CACNA2D3: variants seen among roughly 807,000 people sequenced by gnomAD.
CACNA2D3 encodes voltage-dependent calcium channel subunit alpha-2/delta-3.
Under a neutral mutation model 160.6 loss-of-function variants are expected in CACNA2D3, and 60 were observed. The ratio of observed to expected loss-of-function variants is 0.37; its 90% confidence interval spans 0.30 to 0.46. CACNA2D3 has a LOEUF of 0.46. CACNA2D3 is among the 20% of genes least tolerant of loss of function. CACNA2D3 has a pLI of 1.00. For synonymous variants in CACNA2D3, 558 were observed against 492.9 expected, an observed-to-expected ratio of 1.13 and a Z score of -1.75; for missense variants, 1,205 against 1,365.0, an observed-to-expected ratio of 0.88 and a Z score of 1.85.
chr3:54,724,479 C>T (rs1383747454), intron 11 of CACNA2D3, among the ~76,000 whole-genome samples: 3 of 152,196 alleles, frequency 2.0e-5, no homozygotes, highest in Admixed American at 1.3e-4. Context: ...TTTTCAGCGC[C>T]TCACTGCACT....
chr3:54,173,219 T>A (rs1220189177), intron 2 of CACNA2D3, among the ~76,000 whole-genome samples: 1 of 152,232 alleles, frequency 6.6e-6, no homozygotes, highest in Admixed American at 6.5e-5. Flanking sequence ...TCTGACTTAT[T>A]TGATCTTGGA....
At chr3:54,766,125 C>T (rs923229478) in intron 13 of CACNA2D3, among the ~76,000 whole-genome samples, 4 of 152,106 alleles carry the variant, frequency 2.6e-5, no homozygotes, top group African/African-American at 9.6e-5. Context: ...TTGACTACAA[C>T]TTATTTATCA....
At chr3:54,737,346 G>GGA (rs1277798070) in intron 11 of CACNA2D3, among the ~76,000 whole-genome samples, 3 of 152,066 alleles carry the variant, frequency 2.0e-5, no homozygotes. Context: ...AAGGAGAGGA[G>GGA]GAGGGGTCTT....
intron 2 of CACNA2D3, among the ~76,000 whole-genome samples, chr3:54,125,914 C>G (rs1699582012): frequency 6.6e-6 from 1 of 152,080 alleles, no homozygotes; most frequent in Non-Finnish European, 1.5e-5. Flanking sequence ...CTCTGTGCAC[C>G]CTGCCATCAT....
intron 4 of CACNA2D3, among the ~76,000 whole-genome samples, chr3:54,400,874 A>G (rs773726455): frequency 2.0e-5 from 3 of 152,206 alleles, no homozygotes; most frequent in South Asian, 2.1e-4. Flanking sequence ...AAGTAACACA[A>G]TAATTCTCTA....
At chr3:54,674,758 C>T (rs1700211387) in intron 11 of CACNA2D3, among the ~76,000 whole-genome samples, 1 of 152,112 alleles carries the variant, frequency 6.6e-6, no homozygotes, top group South Asian at 2.1e-4. Context: ...TTTGAGGTCC[C>T]AACATATGGG....
intron 4 of CACNA2D3, among the ~76,000 whole-genome samples, chr3:54,445,432 CT>C (rs1208497817): frequency 6.6e-6 from 1 of 152,126 alleles, no homozygotes; most frequent in Non-Finnish European, 1.5e-5. Flanking sequence ...CATTTCTGAG[CT>C]GTATTAATTC....
chr3:54,325,619 T>C (rs770627779), intron 3 of CACNA2D3, among the ~76,000 whole-genome samples: 3 of 152,200 alleles, frequency 2.0e-5, no homozygotes, highest in Non-Finnish European at 4.4e-5. Flanking sequence ...TTAACAGGTT[T>C]CAGAGCGGGA....
intron 11 of CACNA2D3, among the ~76,000 whole-genome samples, chr3:54,654,842 G>C (rs1699846710): frequency 6.6e-6 from 1 of 152,218 alleles, no homozygotes; most frequent in Non-Finnish European, 1.5e-5. Context: ...AAGAAACCCT[G>C]CTAGGATGAA....
At chr3:54,812,760 G>A (rs1295407955) in intron 13 of CACNA2D3, among the ~76,000 whole-genome samples, 30 of 152,190 alleles carry the variant, frequency 2.0e-4, no homozygotes, top group Non-Finnish European at 7.3e-5. Context: ...TCCACACAGA[G>A]CCTTGTCCTT....
rs557553278 is a variant in CACNA2D3, at chr3:54,580,321, C to A, written c.889-1482C>A. On this transcript the variant is annotated intron_variant, in intron 8 of 37. Coordinates refer to ENST00000474759, the MANE Select transcript of CACNA2D3 (RefSeq NM_018398.3). ...TTAGTGAGGCTCTCTCCATGGGAAA[C>A]CTGATGCATCCCAGTTGCTCTTGAG... Among the ~76,000 whole-genome samples, 10 of 152,140 alleles carry A rather than the reference C, an allele frequency of 6.6e-5. No individual in the cohort carries two copies. In the East Asian group the frequency reaches 1.9e-3, roughly 30 times the overall value.
chr3:54,889,682 G>T (rs1208321621), intron 24 of CACNA2D3, among the ~76,000 whole-genome samples: 1 of 152,192 alleles, frequency 6.6e-6, no homozygotes, highest in Middle Eastern at 3.2e-3. Flanking sequence ...AGGCTGTTTA[G>T]TATGCAAATC....
chr3:54,322,429 A>G (rs907129052), intron 3 of CACNA2D3, among the ~76,000 whole-genome samples: 2 of 152,236 alleles, frequency 1.3e-5, no homozygotes, highest in Admixed American at 6.5e-5. Context: ...TATGTATGCA[A>G]TCTCATTCTT....
At chr3:54,323,450 CTCTTTTCTTTT>C (rs1353528171) in intron 3 of CACNA2D3, among the ~76,000 whole-genome samples, 3 of 149,020 alleles carry the variant, frequency 2.0e-5, no homozygotes, top group East Asian at 4.0e-4. Flanking sequence ...CTTTCCTCTC[CTCTTTTCTTTT>C]TCTTTTCTTT....
intron 27 of CACNA2D3, among the ~76,000 whole-genome samples, chr3:54,922,320 CTTTTT>C (rs199955110): frequency 7.3e-6 from 1 of 137,020 alleles, no homozygotes; most frequent in Admixed American, 7.4e-5. Flanking sequence ...GTCCTGGGAA[CTTTTT>C]TTTTTTTTTT....
At chr3:54,987,476 C>G (rs1319999726) in intron 30 of CACNA2D3, among the ~76,000 whole-genome samples, 1 of 152,154 alleles carries the variant, frequency 6.6e-6, no homozygotes, top group African/African-American at 2.4e-5. Context: ...CCCCCTCCCA[C>G]GTACTGTGGA....
At chr3:54,763,849 ATATATATACATATATATATACG>A in intron 12 of CACNA2D3, among the ~76,000 whole-genome samples, 1 of 34,100 alleles carries the variant, frequency 2.9e-5, no homozygotes, top group South Asian at 1.2e-3. Context: ...ATATATGTAC[ATATATATACATATATATATACG>A]TATATATATG....
intron 2 of CACNA2D3, among the ~76,000 whole-genome samples, chr3:54,255,071 A>C (rs1342128953): frequency 6.6e-6 from 1 of 152,164 alleles, no homozygotes; most frequent in African/African-American, 2.4e-5. Context: ...TCCCCTGTGG[A>C]ATGGCTGTTT....
At chr3:54,766,253 C>T (rs1702221491) in intron 13 of CACNA2D3, among the ~76,000 whole-genome samples, 1 of 151,928 alleles carries the variant, frequency 6.6e-6, no homozygotes, top group African/African-American at 2.4e-5. Context: ...TAATAATCTC[C>T]AATATACAAA....
Sources: allele counts gnomAD v4.1 joint callset (sites outside exome capture counted in the v4.1 genomes callset), GRCh38; gene constraint gnomAD v4.1.1; transcripts MANE v1.5; gene names NCBI Gene and HGNC (gene_info 2026-07-23, HGNC 2026-07-21).